Variants in DYM observed in about 807,000 individuals in gnomAD.
DYM encodes dymeclin.
Under a neutral mutation model 93.1 loss-of-function variants are expected in DYM, and 78 were observed. The ratio of observed to expected loss-of-function variants is 0.84; its 90% CI spans 0.70 to 1.01. DYM has a LOEUF of 1.01. DYM is among the 50% of genes least tolerant of loss of function. The pLI, the probability that DYM is intolerant of heterozygous loss-of-function variation, is 0.00. For missense variants in DYM, 789 were observed against 845.0 expected (o/e 0.93, Z 0.82); for synonymous variants, 321 against 319.7 (o/e 1.00, Z -0.04).
intron 13 of DYM, among the ~76,000 whole-genome samples, chr18:49,212,740 ATCCACCCTGGCCT>A (rs1273812875): frequency 6.6e-6 from 1 of 152,172 alleles, no homozygotes; most frequent in Non-Finnish European, 1.5e-5. Context: ...CAAGTGATCC[ATCCACCCTGGCCT>A]TCCAAAGTGT....
At chr18:49,125,525 C>T (rs774098555) in intron 15 of DYM, among the ~76,000 whole-genome samples, 2 of 152,144 alleles carry the variant, frequency 1.3e-5, no homozygotes, top group African/African-American at 4.8e-5. Context: ...GTCAGGTCTA[C>T]GTTAATTGGT....
At chr18:49,456,924 G>A (rs899778691) in intron 1 of DYM, among the ~76,000 whole-genome samples, 3 of 152,196 alleles carry the variant, frequency 2.0e-5, no homozygotes, top group African/African-American at 7.2e-5. Context: ...CACACCTAGA[G>A]ACAGTAAGGA....
At chr18:49,176,647 T>C (rs1278872211) in intron 14 of DYM, among the ~76,000 whole-genome samples, 1 of 146,970 alleles carries the variant, frequency 6.8e-6, no homozygotes, top group African/African-American at 2.5e-5. Context: ...ACTTCTGGCC[T>C]CAAATGATCC....
At chr18:49,108,452 G>A (rs143105193) in intron 16 of DYM, among the ~76,000 whole-genome samples, 2,241 of 152,296 alleles carry the variant, frequency 0.015, 113 homozygotes, top group East Asian at 0.11. Context: ...AGATGAACCC[G>A]GTATCTCAGT....
Position 49,211,365 on chromosome 18 carries a change from G to T in DYM, c.1461-1650C>A, listed in dbSNP as rs745456087. Among the ~76,000 whole-genome samples the T allele has an allele frequency of 5.1e-4, 77 of 152,258 alleles. 2 individuals carry two copies. The highest frequency in any genetic ancestry group is 8.8e-5 in the Non-Finnish European group (6 of 68,008). ...GGCCATTTAAAAATAGCAAGCTAGA[G>T]AGAAGAGAATGTAAAATCAATCTGA... On this transcript the variant is annotated intron_variant, in intron 13 of 17. Transcript: ENST00000675505.
Position 49,267,065 on chromosome 18 carries a change from C to A in DYM, c.1251+5113G>T, listed in dbSNP as rs181298645. Among the ~76,000 whole-genome samples, 476 of 152,042 alleles carry A rather than the reference C, an allele frequency of 3.1e-3. 4 individuals are homozygous for A. Among genetic ancestry groups the A allele is most frequent in the African/African-American group, 0.011 (442 of 41,488 alleles). On this transcript the variant is annotated intron_variant, in intron 11 of 17. Transcript: ENST00000675505. ...AAATGGAGGAAAAACAATCAATAGA[C>A]TCAAAAGCTAGTTCTTTAAAGTTTT...
intron 6 of DYM, among the ~76,000 whole-genome samples, chr18:49,337,261 G>C (rs892575515): frequency 2.0e-5 from 3 of 152,148 alleles, no homozygotes; most frequent in Non-Finnish European, 4.4e-5. Flanking sequence ...GAATGTTGTT[G>C]ACTGGCTTAC....
At chr18:49,386,041 G>T (rs2068582486) in intron 3 of DYM, among the ~76,000 whole-genome samples, 1 of 151,986 alleles carries the variant, frequency 6.6e-6, no homozygotes, top group Non-Finnish European at 1.5e-5. Flanking sequence ...CTAACTCTCG[G>T]CCTCAAGCAA....
intron 3 of DYM, among the ~76,000 whole-genome samples, chr18:49,387,872 T>G (rs561517058): frequency 3.3e-5 from 5 of 152,248 alleles, no homozygotes; most frequent in African/African-American, 4.8e-5. Flanking sequence ...TTAGTTGAAA[T>G]AAATGTACCA....
intron 15 of DYM, among the ~76,000 whole-genome samples, chr18:49,124,385 T>G (rs1037825844): frequency 6.6e-5 from 10 of 151,990 alleles, no homozygotes; most frequent in African/African-American, 2.4e-4. Flanking sequence ...GGTGCATGCC[T>G]GTAGTCCCAG....
intron 17 of DYM, among the ~76,000 whole-genome samples, chr18:49,085,752 C>T (rs2078461177): frequency 6.6e-6 from 1 of 151,794 alleles, no homozygotes; most frequent in Non-Finnish European, 1.5e-5. Flanking sequence ...GGATTATAGG[C>T]ACCTGCCACC....
chr18:49,096,008 T>C (rs1007171404), intron 17 of DYM, among the ~76,000 whole-genome samples: 1 of 152,132 alleles, frequency 6.6e-6, no homozygotes, highest in Non-Finnish European at 1.5e-5. Flanking sequence ...CTGGTTCACA[T>C]GGTATAGTTT....
At chr18:49,045,909 T>G (rs779259075) in intron 17 of DYM, among the ~76,000 whole-genome samples, 41 of 152,220 alleles carry the variant, frequency 2.7e-4, no homozygotes, top group Non-Finnish European at 5.4e-4. Context: ...AGAATGGCAC[T>G]GTGCAGTGGC....
intron 15 of DYM, among the ~76,000 whole-genome samples, chr18:49,149,105 G>A (rs891518006): frequency 2.6e-5 from 4 of 152,154 alleles, no homozygotes; most frequent in African/African-American, 4.8e-5. Flanking sequence ...TAAGGCATGT[G>A]TAACCTAGAT....
chr18:49,277,149 A>C (rs887093854), intron 10 of DYM, among the ~76,000 whole-genome samples: 1 of 152,140 alleles, frequency 6.6e-6, no homozygotes, highest in African/African-American at 2.4e-5. Flanking sequence ...TGAGACGGCC[A>C]CTGGGAAATG....
At chr18:49,257,386 G>T (rs915644789) in intron 12 of DYM, among the ~76,000 whole-genome samples, 1 of 152,168 alleles carries the variant, frequency 6.6e-6, no homozygotes, top group Non-Finnish European at 1.5e-5. Flanking sequence ...ATTACAGCAT[G>T]CTACTTAAGG....
intron 17 of DYM, among the ~76,000 whole-genome samples, chr18:49,058,017 G>T (rs1234797017): frequency 1.3e-5 from 2 of 152,268 alleles, no homozygotes; most frequent in Non-Finnish European, 2.9e-5. Context: ...ACAACTGCTG[G>T]CTAGACTCTG....
At position 49,353,636 on chromosome 18, in the gene DYM, CAATA is replaced by C. The variant is rs2065305472; in HGVS notation, c.494+9521_494+9524del. Among the ~76,000 whole-genome samples, 3 of 151,570 alleles carry C rather than the reference CAATA, an allele frequency of 2.0e-5. No homozygotes were observed. In the South Asian group the frequency reaches 6.2e-4, roughly 31 times the overall value. On this transcript the variant is annotated intron_variant, in intron 6 of 17. Coordinates refer to ENST00000675505, the MANE Select transcript of DYM (RefSeq NM_001353214.3). ...AGGAGATAATCATCTGAGCAGACGT[CAATA>C]AATAATTTAATGAATCAAAAAAGTG...
chr18:49,393,655 A>C (rs12456170), intron 2 of DYM: 13,870 of 152,280 alleles, frequency 0.091, 857 homozygotes, highest in East Asian at 0.31. Context: ...CTGTAATTTC[A>C]GCTACTCGGG....
Sources: gnomAD v4.1 joint callset for allele counts (sites outside exome capture counted in the v4.1 genomes callset) on GRCh38, gnomAD v4.1.1 for gene constraint, MANE v1.5 for transcripts, NCBI Gene and HGNC (gene_info 2026-07-23, HGNC 2026-07-21) for gene names.